The following CHRM5 variants were observed in gnomAD, a reference collection of about 807,000 sequenced individuals.
CHRM5 encodes muscarinic acetylcholine receptor M5.
CHRM5 carries 18 observed loss-of-function variants against 39.0 expected under a neutral mutation model. That is an observed-to-expected ratio of 0.46 (90% confidence interval 0.32 to 0.68). CHRM5 has a LOEUF of 0.68. CHRM5 is among the 30% of genes least tolerant of loss of function. The probability of loss-of-function intolerance (pLI) is 0.04; values close to 1 mark genes in which losing one functional copy is unlikely to be tolerated. For missense variants in CHRM5, 515 were observed against 651.1 expected, an observed-to-expected ratio of 0.79 and a Z score of 2.28; for synonymous variants, 241 against 246.3, an observed-to-expected ratio of 0.98 and a Z score of 0.20.
At chr15:34,050,653 A>G (rs1899898154) in intron 2 of CHRM5, among the ~76,000 whole-genome samples, 1 of 152,202 alleles carries the variant, frequency 6.6e-6, no homozygotes, top group Non-Finnish European at 1.5e-5. Context: ...AGGAATGGAG[A>G]AAAATTTACC....
At chr15:33,986,086 C>T (rs1013478460) in intron 1 of CHRM5, among the ~76,000 whole-genome samples, 3 of 123,702 alleles carry the variant, frequency 2.4e-5, no homozygotes, top group African/African-American at 8.7e-5. Flanking sequence ...TCACATTTCA[C>T]TGTAAATTTT....
At chr15:33,983,163 TGTGTGTGTATATATACACAC>T (rs1445321482) in intron 1 of CHRM5, among the ~76,000 whole-genome samples, 6 of 122,568 alleles carry the variant, frequency 4.9e-5, no homozygotes, top group African/African-American at 8.2e-5. Context: ...TGTGTGTATG[TGTGTGTGTATATATACACAC>T]GTGTGTGTAT....
intron 2 of CHRM5, among the ~76,000 whole-genome samples, chr15:34,050,771 T>C (rs1899901742): frequency 6.6e-6 from 1 of 152,156 alleles, no homozygotes; most frequent in South Asian, 2.1e-4. Context: ...TACATAATGG[T>C]AAAGGGTTCA....
chr15:34,039,106 CCCCA>C (rs1899335155), intron 1 of CHRM5: 1 of 1,061,772 alleles, frequency 9.4e-7, no homozygotes, highest in Non-Finnish European at 1.1e-6. Context: ...GACGCCCTGG[CCCCA>C]CCGGAAGCGG....
At chr15:34,015,742 G>T (rs947437158) in intron 1 of CHRM5, among the ~76,000 whole-genome samples, 11 of 151,872 alleles carry the variant, frequency 7.2e-5, no homozygotes, top group African/African-American at 2.7e-4. Flanking sequence ...AATGTTCAAT[G>T]ACACGTCTCA....
intron 1 of CHRM5, among the ~76,000 whole-genome samples, chr15:34,014,436 T>A (rs1226791267): frequency 7.4e-6 from 1 of 135,076 alleles, no homozygotes; most frequent in Non-Finnish European, 1.5e-5. Flanking sequence ...GCAGCAGCAG[T>A]ATGGTTTTCC....
At chr15:33,997,944 C>T (rs187267121) in intron 1 of CHRM5, among the ~76,000 whole-genome samples, 1 of 152,198 alleles carries the variant, frequency 6.6e-6, no homozygotes, top group Non-Finnish European at 1.5e-5. Context: ...ACATCTATAC[C>T]ACATTTTCCT....
rs368333114 is a variant in CHRM5 at position 34,046,807 on chromosome 15, G to A, written c.-140G>A. The A allele has an allele frequency of 1.2e-4, 18 of 152,514 alleles. No individual in the cohort carries two copies. Among genetic ancestry groups the A allele is most frequent in the African/African-American group, 4.1e-4 (17 of 41,582 alleles). The allele number at this position is 152,514 out of a possible 1,614,324, so 9.4% of individuals were successfully genotyped here. Reference sequence around the variant, plus strand: ...ACAGAAAACAAAGAAAAGCAGGGTGGGGTGACGGCCCACCTGGGAGCAGCA... The same window carrying A: ...ACAGAAAACAAAGAAAAGCAGGGTGAGGTGACGGCCCACCTGGGAGCAGCA... On this transcript the variant is annotated 5_prime_UTR_variant, in exon 2 of 3. Coordinates refer to ENST00000383263, the MANE Select transcript of CHRM5 (RefSeq NM_012125.4).
intron 1 of CHRM5, among the ~76,000 whole-genome samples, chr15:33,986,111 G>C (rs5811810): frequency 3.7e-4 from 1 of 2,688 alleles, no homozygotes; most frequent in Non-Finnish European, 2.1e-3. Context: ...TTTGTTTTTT[G>C]TTTTTTGTTT....
chr15:34,059,894 A>G (rs1253367195), intron 2 of CHRM5, among the ~76,000 whole-genome samples: 1 of 152,224 alleles, frequency 6.6e-6, no homozygotes, highest in Middle Eastern at 3.2e-3. Flanking sequence ...ACTAGTGTCT[A>G]AAGAGCAGAG....
chr15:34,051,901 G>A (rs570348768), intron 2 of CHRM5, among the ~76,000 whole-genome samples: 2 of 151,796 alleles, frequency 1.3e-5, no homozygotes, highest in East Asian at 3.9e-4. Context: ...CAGATTTACA[G>A]CAGAATTCTA....
chr15:34,021,482 T>TC (rs956531502), intron 1 of CHRM5, among the ~76,000 whole-genome samples: 1 of 152,002 alleles, frequency 6.6e-6, no homozygotes, highest in Admixed American at 6.6e-5. Context: ...ACGGGGTTTC[T>TC]CCGTGTTGGT....
intron 1 of CHRM5, among the ~76,000 whole-genome samples, chr15:34,036,229 T>C (rs1188944849): frequency 2.0e-5 from 3 of 152,120 alleles, no homozygotes; most frequent in Admixed American, 6.6e-5. Context: ...GAAGGAATGA[T>C]TTAAGAGCAA....
chr15:34,007,149 A>G (rs1897391505), intron 1 of CHRM5: 16 of 593,582 alleles, frequency 2.7e-5, no homozygotes, highest in Non-Finnish European at 2.8e-5. Context: ...CCGAGCTATT[A>G]TCTTGTCCAA....
At chr15:34,043,979 T>C (rs887523852) in intron 1 of CHRM5, among the ~76,000 whole-genome samples, 1 of 152,094 alleles carries the variant, frequency 6.6e-6, no homozygotes, top group Admixed American at 6.6e-5. Context: ...GATCACCTAC[T>C]TGGGGACGTC....
At chr15:33,996,367 G>C (rs1896933506) in intron 1 of CHRM5, among the ~76,000 whole-genome samples, 2 of 152,148 alleles carry the variant, frequency 1.3e-5, no homozygotes, top group African/African-American at 4.8e-5. Flanking sequence ...AGAACCGACA[G>C]ACTGCCTCCT....
intron 1 of CHRM5, among the ~76,000 whole-genome samples, chr15:34,012,009 G>T (rs1897658554): frequency 6.6e-6 from 1 of 152,162 alleles, no homozygotes; most frequent in Admixed American, 6.5e-5. Flanking sequence ...AATGGCAATA[G>T]AATCAGTTTC....
At chr15:34,059,756 G>T (rs561307303) in intron 2 of CHRM5, among the ~76,000 whole-genome samples, 2 of 152,080 alleles carry the variant, frequency 1.3e-5, no homozygotes, top group East Asian at 1.9e-4. Flanking sequence ...TTCAAGTCTC[G>T]ACTCTTAGGT....
intron 1 of CHRM5, among the ~76,000 whole-genome samples, chr15:33,969,555 A>T (rs1895537893): frequency 6.6e-6 from 1 of 152,056 alleles, no homozygotes; most frequent in Non-Finnish European, 1.5e-5. Flanking sequence ...TAAGCATTTT[A>T]AATATTTTTA....
Sources: allele counts gnomAD v4.1 joint callset (sites outside exome capture counted in the v4.1 genomes callset), GRCh38; gene constraint gnomAD v4.1.1; transcripts MANE v1.5; gene names NCBI Gene and HGNC (gene_info 2026-07-23, HGNC 2026-07-21).